The following PIP5K1B variants were observed in gnomAD, a reference collection of about 807,000 sequenced individuals.
The protein encoded by PIP5K1B is phosphatidylinositol 4-phosphate 5-kinase type-1 beta.
Under a neutral mutation model 67.0 loss-of-function variants are expected in PIP5K1B, and 42 were observed. The observed-to-expected ratio is 0.63, with a 90% confidence interval of 0.49 to 0.81. The LOEUF is 0.81. Ranked by LOEUF, PIP5K1B falls within the 30% of genes least tolerant of loss-of-function variation. The pLI is 0.00. For missense variants in PIP5K1B, 459 were observed against 646.3 expected (o/e 0.71, Z 3.14); for synonymous variants, 214 against 231.4 (o/e 0.92, Z 0.68).
At chr9:68,717,513 G>A (rs556894939) in intron 1 of PIP5K1B, among the ~76,000 whole-genome samples, 2 of 152,306 alleles carry the variant, frequency 1.3e-5, no homozygotes, top group South Asian at 4.1e-4. Flanking sequence ...GAGGCTAAGA[G>A]TCCAAGATCA....
intron 8 of PIP5K1B, among the ~76,000 whole-genome samples, chr9:68,900,717 G>A (rs1468640907): frequency 6.6e-6 from 1 of 151,980 alleles, no homozygotes; most frequent in African/African-American, 2.4e-5. Context: ...TTTTTGTTGA[G>A]CCGCATGTTA....
intron 5 of PIP5K1B, among the ~76,000 whole-genome samples, chr9:68,867,922 G>T (rs1000449945): frequency 6.6e-6 from 1 of 152,100 alleles, no homozygotes; most frequent in East Asian, 1.9e-4. Flanking sequence ...TGCAGAATCC[G>T]TTTCCCCTAG....
At chr9:68,808,040 A>AT (rs1832963699) in intron 2 of PIP5K1B, among the ~76,000 whole-genome samples, 1 of 152,176 alleles carries the variant, frequency 6.6e-6, no homozygotes, top group Non-Finnish European at 1.5e-5. Context: ...TGTACCAAAA[A>AT]TACAAAAATT....
At chr9:68,950,680 G>C (rs896765870) in intron 14 of PIP5K1B, among the ~76,000 whole-genome samples, 1 of 152,144 alleles carries the variant, frequency 6.6e-6, no homozygotes, top group Non-Finnish European at 1.5e-5. Context: ...TCTAGCTGGG[G>C]GGTCTGCAAG....
At chr9:68,883,228 G>A (rs1295790903) in intron 6 of PIP5K1B, among the ~76,000 whole-genome samples, 3 of 152,048 alleles carry the variant, frequency 2.0e-5, no homozygotes, top group Non-Finnish European at 2.9e-5. Flanking sequence ...TTCACAAATC[G>A]CTCTTCCACA....
chr9:68,815,987 G>A (rs1385576492), intron 2 of PIP5K1B, among the ~76,000 whole-genome samples: 1 of 152,090 alleles, frequency 6.6e-6, no homozygotes, highest in Non-Finnish European at 1.5e-5. Context: ...GAAGTAGAGA[G>A]CTATACTATC....
At chr9:68,776,750 T>C (rs1830937587) in intron 2 of PIP5K1B, among the ~76,000 whole-genome samples, 1 of 152,198 alleles carries the variant, frequency 6.6e-6, no homozygotes, top group African/African-American at 2.4e-5. Flanking sequence ...GAATGAATCT[T>C]GACTAAGTGT....
chr9:68,814,201 T>TCA (rs1833312923), intron 2 of PIP5K1B, among the ~76,000 whole-genome samples: 3 of 152,068 alleles, frequency 2.0e-5, no homozygotes, highest in African/African-American at 7.2e-5. Context: ...TCTGGGTAGC[T>TCA]CATCTCCATG....
chr9:68,922,460 C>A (rs201554242), intron 11 of PIP5K1B, among the ~76,000 whole-genome samples: 1,250 of 127,904 alleles, frequency 9.8e-3, no homozygotes, highest in Middle Eastern at 0.016. Context: ...GACTCTGTCT[C>A]AAAAAAAAAG....
chr9:68,943,157 G>A (rs745644447), intron 14 of PIP5K1B, among the ~76,000 whole-genome samples: 5 of 152,098 alleles, frequency 3.3e-5, no homozygotes, highest in Admixed American at 1.3e-4. Context: ...CAGTGTCTTC[G>A]TCACCATATA....
intron 4 of PIP5K1B, among the ~76,000 whole-genome samples, chr9:68,860,880 T>G (rs1823028394): frequency 6.6e-6 from 1 of 152,214 alleles, no homozygotes; most frequent in South Asian, 2.1e-4. Flanking sequence ...GTAGCTGTGT[T>G]ACCTCGTGTA....
chr9:68,873,590 C>T (rs1409114696), intron 5 of PIP5K1B, among the ~76,000 whole-genome samples: 1 of 141,248 alleles, frequency 7.1e-6, no homozygotes, highest in Non-Finnish European at 1.5e-5. Context: ...AAATATTTTC[C>T]CATTTTGGCA....
chr9:68,894,757 A>G, intron 8 of PIP5K1B, 119 bp downstream of exon 8: 10 of 902,710 alleles, frequency 1.1e-5, no homozygotes, highest in East Asian at 7.5e-5. Context: ...GTGGAATCCT[A>G]TCTTTCCCAA....
intron 4 of PIP5K1B, among the ~76,000 whole-genome samples, chr9:68,859,588 A>C (rs1267728984): frequency 3.3e-5 from 5 of 152,212 alleles, no homozygotes; most frequent in African/African-American, 2.4e-5. Flanking sequence ...CAAGCCATGC[A>C]GAGGAAAGTG....
At chr9:68,812,328 C>A (rs1005567839) in intron 2 of PIP5K1B, among the ~76,000 whole-genome samples, 1 of 152,182 alleles carries the variant, frequency 6.6e-6, no homozygotes, top group African/African-American at 2.4e-5. Context: ...TGAGTGAAAA[C>A]ATAGAACTAT....
At chr9:68,845,662 G>A (rs1047966863) in intron 4 of PIP5K1B, among the ~76,000 whole-genome samples, 1 of 152,204 alleles carries the variant, frequency 6.6e-6, no homozygotes, top group Non-Finnish European at 1.5e-5. Flanking sequence ...TTGTTTAAAT[G>A]TACAGGGCTC....
intron 8 of PIP5K1B, among the ~76,000 whole-genome samples, chr9:68,917,027 AC>A (rs1209483540): frequency 6.6e-6 from 1 of 152,250 alleles, no homozygotes; most frequent in Non-Finnish European, 1.5e-5. Flanking sequence ...GTACAAACTT[AC>A]AAGCTTGTAG....
chr9:68,974,209 C>G (rs1166562212), intron 14 of PIP5K1B, among the ~76,000 whole-genome samples: 1 of 152,188 alleles, frequency 6.6e-6, no homozygotes, highest in Non-Finnish European at 1.5e-5. Context: ...TTCTGGTCCT[C>G]AGTCATTCTT....
At chr9:68,726,191 A>G (rs185744314) in intron 1 of PIP5K1B, among the ~76,000 whole-genome samples, 50 of 152,338 alleles carry the variant, frequency 3.3e-4, no homozygotes, top group African/African-American at 1.1e-3. Flanking sequence ...ATTTACCTTG[A>G]TGTGATTATT....
Sources: gnomAD v4.1 joint callset for allele counts (sites outside exome capture counted in the v4.1 genomes callset) on GRCh38, gnomAD v4.1.1 for gene constraint, MANE v1.5 for transcripts, NCBI Gene and HGNC (gene_info 2026-07-23, HGNC 2026-07-21) for gene names.